Variants in TNFSF10 observed in about 807,000 individuals in gnomAD.
TNFSF10 encodes the protein TNF superfamily member 10, also known as tumor necrosis factor ligand superfamily member 10.
TNFSF10 carries 13 observed loss-of-function variants against 29.5 expected under a neutral mutation model. That is an observed-to-expected ratio of 0.44 (90% CI 0.29 to 0.70). The LOEUF (loss-of-function observed/expected upper bound fraction) is 0.70, where lower values mean the gene tolerates loss of function less well. TNFSF10 is among the 30% of genes least tolerant of loss of function. The probability of loss-of-function intolerance (pLI) is 0.13; values close to 1 mark genes in which losing one functional copy is unlikely to be tolerated. For missense variants in TNFSF10, 345 were observed against 330.9 expected, an observed-to-expected ratio of 1.04 and a Z score of -0.33; for synonymous variants, 111 against 112.8, an observed-to-expected ratio of 0.98 and a Z score of 0.10.
intron 3 of TNFSF10, among the ~76,000 whole-genome samples, chr3:172,511,280 C>A (rs903541723): frequency 3.3e-5 from 5 of 152,150 alleles, no homozygotes; most frequent in African/African-American, 1.2e-4. Flanking sequence ...TTATTTCTCT[C>A]AATTTCCCAG....
Position 172,514,891 on chromosome 3 carries a change from G to C in TNFSF10, c.240C>G (p.Val80=), listed in dbSNP as rs1385828723. 3.2e-5 allele frequency: 51 copies of C among 1,614,072 alleles called. No homozygotes were observed. Among genetic ancestry groups the C allele is most frequent in the Non-Finnish European group, 4.2e-5 (50 of 1,180,030 alleles). Residue 80 remains valine (V), a synonymous_variant, in exon 2 of 5, where the codon GTC becomes GTG. Transcript: ENST00000241261. The part of the protein sequence containing the change: ...EESMNSPCWQ[V]KWQLRQLVRK... ...TAACGAGCTGACGGAGTTGCCACTT[G>C]ACTTGCCAGCAGGGGCTGTTCATAC...
chr3:172,511,609 G>GAT lies in TNFSF10; in HGVS notation c.313+6_313+7dup. On this transcript the variant is annotated splice_region_variant and intron_variant, in intron 3 of 4. Coordinates refer to ENST00000241261, the MANE Select transcript of TNFSF10 (RefSeq NM_003810.4). ...AAAAAATTAAAATAACAACAAAAAA[G>GAT]ATACTACCTTGAACTGTAGAAATGG... 6.2e-7 allele frequency: 1 copy of GAT among 1,604,558 alleles called. No homozygotes were observed. Among genetic ancestry groups the GAT allele is most frequent in the East Asian group, 2.2e-5 (1 of 44,698 alleles).
chr3:172,521,478 A>G (rs1267777041), intron 1 of TNFSF10, among the ~76,000 whole-genome samples: 1 of 152,236 alleles, frequency 6.6e-6, no homozygotes, highest in Non-Finnish European at 1.5e-5. Flanking sequence ...CATTAGAGAA[A>G]TGCAAATCAA....
At chr3:172,511,775 T>A (rs764061369) in intron 2 of TNFSF10, 116 bp from the exon 3 acceptor site, 1 of 866,880 alleles carries the variant, frequency 1.2e-6, no homozygotes, top group African/African-American at 1.7e-5. Flanking sequence ...GCATTATCAA[T>A]CTGGGAAGTT....
Position 172,506,369 on chromosome 3 carries a change from G to GT in TNFSF10, c.*122dup. On this transcript the variant is annotated 3_prime_UTR_variant, in exon 5 of 5. Transcript: ENST00000241261. ...GCTGCTCTACTCAGATTGCATAGAGGTTTTTTTGTTTTCTGTTTTCTGTTT... is the reference window on the plus strand; with the variant it reads ...GCTGCTCTACTCAGATTGCATAGAGGTTTTTTTTGTTTTCTGTTTTCTGTTT... 2.4e-6 allele frequency: 3 copies of GT among 1,273,984 alleles called. No homozygotes were observed. The highest frequency in any genetic ancestry group is 3.2e-6 in the Non-Finnish European group (3 of 941,434). The allele number at this position is 1,273,984 out of a possible 1,614,324, so 78.9% of individuals were successfully genotyped here.
chr3:172,506,584 C>T lies in TNFSF10; in HGVS notation c.754G>A (p.Glu252Lys), dbSNP rs145536359. Residue 252 changes from glutamate to lysine, a missense_variant, in exon 5 of 5, where the codon GAA becomes AAA. Transcript: ENST00000241261. ...IYQGGIFELK[E>K]NDRIFVSVTN... is the part of the protein sequence containing the mutation. ...ACAGAAACAAAAATTCTGTCATTTT[C>T]CTTAAGCTCAAATATTCCCCCTTGA... 6.2e-7 allele frequency: 1 copy of T among 1,614,098 alleles called. No individual in the cohort carries two copies. The highest frequency in any genetic ancestry group is 8.5e-7 in the Non-Finnish European group (1 of 1,180,010).
rs1712952068 is a variant in TNFSF10 at position 172,505,689 on chromosome 3, G to T, written c.*803C>A. 1 of 147,666 alleles carries T rather than the reference G, an allele frequency of 6.8e-6. No individual in the cohort carries two copies. The highest frequency in any genetic ancestry group is 2.1e-4 in the South Asian group (1 of 4,706). 9.1% of individuals were successfully genotyped at this position (147,666 alleles called of 1,614,324 possible). On this transcript the variant is annotated 3_prime_UTR_variant, in exon 5 of 5. Transcript: ENST00000241261. ...ACAGCAAACATGACATACTGTAATA[G>T]AATTTTATTGAAAAAAATAACACGT...
At chr3:172,521,781 C>T (rs907689541) in intron 1 of TNFSF10, among the ~76,000 whole-genome samples, 7 of 152,202 alleles carry the variant, frequency 4.6e-5, no homozygotes, top group Admixed American at 6.5e-5. Flanking sequence ...ATAGCAAAGA[C>T]TTGGAACCAA....
Position 172,506,872 on chromosome 3 carries a change from A to AT in TNFSF10, c.465dup (p.Ser156IlefsTer18). 6.2e-7 allele frequency: 1 copy of AT among 1,613,922 alleles called. No homozygotes were observed. Among genetic ancestry groups the AT allele is most frequent in the Non-Finnish European group, 8.5e-7 (1 of 1,179,968 alleles). On this transcript the variant is annotated frameshift_variant, in exon 5 of 5. Transcript: ENST00000241261. LOFTEE classifies it low-confidence loss of function (END_TRUNC). ...AGGAATGAATGCCCACTCCTTGATG[A>AT]TTCCCAGGAGTTTATTTTGCGGCCC...
At chr3:172,515,288 C>T (rs2108447876) in intron 1 of TNFSF10, among the ~76,000 whole-genome samples, 1 of 152,228 alleles carries the variant, frequency 6.6e-6, no homozygotes, top group Middle Eastern at 3.4e-3. Flanking sequence ...CTTTTCTTGA[C>T]AAGTTGCTTC....
chr3:172,511,518 T>C lies in TNFSF10; in HGVS notation c.313+99A>G. ...ACGGAGCAGCAGATCAGAGGATGGA[T>C]GAGTGGATGAGAACACAGAGAAGGA... On this transcript the variant is annotated intron_variant, in intron 3 of 4. Transcript: ENST00000241261. 7 of 936,298 alleles carry C rather than the reference T, an allele frequency of 7.5e-6. No homozygotes were observed. The South Asian group carries it at 9.8e-5, about 13-fold the overall frequency. 58.0% of individuals were successfully genotyped at this position (936,298 alleles called of 1,614,324 possible).
chr3:172,523,096 A>G lies in TNFSF10; in HGVS notation c.132+157T>C, dbSNP rs968069394. On this transcript the variant is annotated intron_variant, in intron 1 of 4. Coordinates refer to ENST00000241261, the MANE Select transcript of TNFSF10 (RefSeq NM_003810.4). Reference sequence around the variant, plus strand: ...CAATTTCTTGAACTTACAGTTTTGCAAAGACCTCAGTTGTTATGTGATTTA... The same window carrying G: ...CAATTTCTTGAACTTACAGTTTTGCGAAGACCTCAGTTGTTATGTGATTTA... 5.3e-5 allele frequency among the ~76,000 whole-genome samples: 8 copies of G among 152,340 alleles called. No homozygotes were observed. In the East Asian group the frequency reaches 1.3e-3, roughly 26 times the overall value.
chr3:172,515,419 C>T (rs897085176), intron 1 of TNFSF10, among the ~76,000 whole-genome samples: 19 of 152,092 alleles, frequency 1.2e-4, no homozygotes, highest in African/African-American at 3.6e-4. Flanking sequence ...GATACAAGGT[C>T]GGTAGTGGAG....
rs1317076462 is a variant in TNFSF10 at position 172,509,316 on chromosome 3, G to A, written c.319C>T (p.Gln107Ter). The part of the protein sequence containing the change: ...EETISTVQEK[Q>*]QNISPLVRER... Reference sequence around the variant, plus strand: ...CTCACTAGGGGAGAAATATTTTGTTGCTTTTCTAAAAGAGAAATGATAAAG... The same window carrying A: ...CTCACTAGGGGAGAAATATTTTGTTACTTTTCTAAAAGAGAAATGATAAAG... The change falls in exon 4 of 5, where the codon CAA (glutamine) becomes TAA (stop). Residue 107 changes from glutamine to a stop codon, truncating the protein, a stop_gained. Transcript: ENST00000241261. LOFTEE classifies it high-confidence loss of function. The A allele has an allele frequency of 1.2e-6, 2 of 1,612,808 alleles. No individual in the cohort carries two copies. The highest frequency in any genetic ancestry group is 1.7e-5 in the Admixed American group (1 of 59,864).
chr3:172,510,291 A>G (rs968319311), intron 3 of TNFSF10, among the ~76,000 whole-genome samples: 1 of 152,152 alleles, frequency 6.6e-6, no homozygotes, highest in Non-Finnish European at 1.5e-5. Context: ...CCTTGTCTCT[A>G]TAAAAAATAG....
intron 2 of TNFSF10, among the ~76,000 whole-genome samples, chr3:172,513,638 C>T (rs1286606189): frequency 6.6e-6 from 1 of 152,152 alleles, no homozygotes; most frequent in Admixed American, 6.5e-5. Context: ...ACCAACATAA[C>T]AGTATTTATA....
chr3:172,510,115 C>T (rs3181139), intron 3 of TNFSF10, among the ~76,000 whole-genome samples: 2 of 152,008 alleles, frequency 1.3e-5, no homozygotes, highest in Non-Finnish European at 2.9e-5. Context: ...TAAGGCACTA[C>T]ACCCCAGAGG....
intron 3 of TNFSF10, chr3:172,511,320 C>T (rs541082190): frequency 1.2e-5 from 3 of 252,382 alleles, no homozygotes; most frequent in Non-Finnish European, 2.3e-5. Context: ...CTTTGTAACA[C>T]ATTAGAAGGT....
chr3:172,505,872 A>G lies in TNFSF10; in HGVS notation c.*620T>C, dbSNP rs1356871631. The G allele has an allele frequency of 6.6e-6, 1 of 152,286 alleles. No individual in the cohort carries two copies. The highest frequency in any genetic ancestry group is 2.4e-5 in the African/African-American group (1 of 41,442). 9.4% of individuals were successfully genotyped at this position (152,286 alleles called of 1,614,324 possible). On this transcript the variant is annotated 3_prime_UTR_variant, in exon 5 of 5. Coordinates refer to ENST00000241261, the MANE Select transcript of TNFSF10 (RefSeq NM_003810.4). ...CTCTCAAGTAGCTGGGACTACAGGC[A>G]TGTGCCAACACACCCAGCTAATTTT...
Sources: allele counts gnomAD v4.1 joint callset (sites outside exome capture counted in the v4.1 genomes callset), GRCh38; gene constraint gnomAD v4.1.1; transcripts MANE v1.5; gene names NCBI Gene and HGNC (gene_info 2026-07-23, HGNC 2026-07-21).